Variants in UBQLN4 observed in about 807,000 individuals in gnomAD.
UBQLN4 encodes ubiquilin-4.
UBQLN4 carries 11 observed loss-of-function variants against 60.4 expected under a neutral mutation model. The observed-to-expected ratio is 0.18, with a 90% CI of 0.11 to 0.30. The LOEUF is 0.30. Among genes scored for constraint, UBQLN4 ranks in the 10% least tolerant of loss-of-function variants. The probability of loss-of-function intolerance (pLI) is 1.00; values close to 1 mark genes in which losing one functional copy is unlikely to be tolerated. For missense variants in UBQLN4, 417 were observed against 795.5 expected, an observed-to-expected ratio of 0.52 and a Z score of 5.72; for synonymous variants, 258 against 313.1, an observed-to-expected ratio of 0.82 and a Z score of 1.86.
chr1:156,047,922 GA>G (rs1683760032), intron 5 of UBQLN4, among the ~76,000 whole-genome samples: 1 of 147,016 alleles, frequency 6.8e-6, no homozygotes, highest in Non-Finnish European at 1.5e-5. Context: ...AAGAAAGAAA[GA>G]ACCAAAAGGG....
Position 156,051,824 on chromosome 1 carries a change from G to A in UBQLN4, c.142C>T (p.Gln48Ter). The A allele has an allele frequency of 6.2e-7, 1 of 1,614,164 alleles. No homozygotes were observed. The highest frequency in any genetic ancestry group is 8.5e-7 in the Non-Finnish European group (1 of 1,180,014). The change falls in exon 2 of 11, where the codon CAG becomes TAG. Residue 48 changes from glutamine (Q) to a stop codon, truncating the protein, a stop_gained. Transcript: ENST00000368309. LOFTEE classifies it high-confidence loss of function. ...AAGATCAGGACCAGCTGATCCTGCT[G>A]AGCCTTAAACCTCCGGGAGATTTCC... ...KEEISRRFKA[Q>*]QDQLVLIFAG...
Position 156,042,210 on chromosome 1 carries a change from C to T in UBQLN4, c.1293G>A (p.Ala431=). The change falls in exon 8 of 11, where the codon GCG becomes GCA. Residue 431 remains alanine (A), a synonymous_variant. Transcript: ENST00000368309. ...GCTGCTCCTGCAGTTGGGGGTTCCC[C>T]GCGAAGAGCGGCACATTCACCATCA... ...AQMMVNVPLF[A]GNPQLQEQLR... 1.9e-6 allele frequency: 3 copies of T among 1,604,380 alleles called. No homozygotes were observed. Among genetic ancestry groups the T allele is most frequent in the Non-Finnish European group, 1.7e-6 (2 of 1,176,236 alleles).
In UBQLN4 at chr1:156,048,257, T is replaced by G. The variant is rs1425580997; in HGVS notation, c.900+244A>C. Among the ~76,000 whole-genome samples the G allele has an allele frequency of 6.6e-6, 1 of 152,184 alleles. No homozygotes were observed. Among genetic ancestry groups the G allele is most frequent in the Non-Finnish European group, 1.5e-5 (1 of 68,032 alleles). On this transcript the variant is annotated intron_variant, in intron 5 of 10. Coordinates refer to ENST00000368309, the MANE Select transcript of UBQLN4 (RefSeq NM_020131.5). The surrounding 1 kb of genome is among the most constrained non-coding windows in gnomAD (Gnocchi z 4.9). ...CTTTGAGCCCCTGGTACAAGAAGTTTGTCAGGATGTCAAGTTCCTTGGATG... is the reference window on the plus strand; with the variant it reads ...CTTTGAGCCCCTGGTACAAGAAGTTGGTCAGGATGTCAAGTTCCTTGGATG...
At chr1:156,042,336 A>G (rs905706329) in intron 7 of UBQLN4, 100 bp from the exon 8 acceptor site, 37 of 1,458,776 alleles carry the variant, frequency 2.5e-5, no homozygotes, top group Non-Finnish European at 3.0e-5. Context: ...ACTGCAGGAA[A>G]TCTGGCCAGC....
intron 5 of UBQLN4, among the ~76,000 whole-genome samples, chr1:156,047,724 T>A (rs1683748411): frequency 6.6e-6 from 1 of 150,646 alleles, no homozygotes. Context: ...TGAAACCCCA[T>A]CTCTACTAAA....
chr1:156,053,538 C>A (rs1372123944), intron 1 of UBQLN4, 56 bp downstream of exon 1: 1 of 1,173,290 alleles, frequency 8.5e-7, no homozygotes, highest in South Asian at 3.8e-5. Flanking sequence ...AGAGGCCCCC[C>A]ATCTCTTCGC....
chr1:156,033,870 A>C (rs1043985872), downstream of UBQLN4, among the ~76,000 whole-genome samples: 16 of 151,566 alleles, frequency 1.1e-4, no homozygotes, highest in African/African-American at 3.9e-4. Context: ...AAAAAAAAAA[A>C]CAAAAACAAA....
chr1:156,041,896 G>T lies in UBQLN4; in HGVS notation c.1442C>A (p.Thr481Asn). ...QIQQGLQTLQ[T>N]EAPGLVPSLG... Reference sequence around the variant, plus strand: ...CCTGGGTACCAGCCCAGGGGCCTCGGTCTGCAAGGTCTGTAGTCCCTGCTG... The same window carrying T: ...CCTGGGTACCAGCCCAGGGGCCTCGTTCTGCAAGGTCTGTAGTCCCTGCTG... The change falls in exon 9 of 11, where the codon ACC becomes AAC. Residue 481 changes from threonine to asparagine, a missense_variant. Transcript: ENST00000368309. The T allele has an allele frequency of 6.2e-7, 1 of 1,613,632 alleles. No individual in the cohort carries two copies. Among genetic ancestry groups the T allele is most frequent in the Non-Finnish European group, 8.5e-7 (1 of 1,179,886 alleles).
In UBQLN4 at chr1:156,037,053, G is replaced by A. The variant is rs370113139; in HGVS notation, c.1731C>T (p.Asn577=). ...CTCCTGTGGCAATCAGGGCCTGCAG[G>A]TTAGCCTCACGATTGATGAAGCCCA... ...NSMGFINREA[N]LQALIATGGD... is the part of the protein sequence containing the mutation. The change falls in exon 11 of 11, where the codon AAC becomes AAT. Residue 577 remains asparagine, a synonymous_variant. Coordinates refer to ENST00000368309, the MANE Select transcript of UBQLN4 (RefSeq NM_020131.5). The A allele has an allele frequency of 5.0e-6, 8 of 1,614,102 alleles. No homozygotes were observed. The highest frequency in any genetic ancestry group is 1.3e-5 in the African/African-American group (1 of 74,932).
In UBQLN4 at chr1:156,048,677, A is replaced by G; in HGVS notation, c.742-18T>C. On this transcript the variant is annotated intron_variant, in intron 4 of 10. Transcript: ENST00000368309. This position sits in a 1 kb window ranked among gnomAD's most constrained non-coding sequence, Gnocchi z 4.9. ...TCCATTGTCTGATCAAGGGAGAGAG[A>G]CAAAATGGGCCCCGGAACCAGGGGA... The G allele has an allele frequency of 1.2e-6, 2 of 1,606,014 alleles. No individual in the cohort carries two copies. Among genetic ancestry groups the G allele is most frequent in the Middle Eastern group, 1.7e-4 (1 of 6,030 alleles).
intron 1 of UBQLN4, among the ~76,000 whole-genome samples, chr1:156,053,196 A>T (rs1231828803): frequency 6.6e-6 from 1 of 152,074 alleles, no homozygotes; most frequent in Non-Finnish European, 1.5e-5. Context: ...CTCAGAGAAC[A>T]CTGGGCGTTC....
intron 1 of UBQLN4, among the ~76,000 whole-genome samples, 164 bp from the exon 2 acceptor site, chr1:156,052,021 CCTTT>C (rs1427586819): frequency 6.6e-6 from 1 of 152,184 alleles, no homozygotes; most frequent in African/African-American, 2.4e-5. Context: ...ATAAGCATCT[CCTTT>C]CTTAACAAAG....
At position 156,051,293 on chromosome 1, in the gene UBQLN4, G is replaced by A; in HGVS notation, c.295C>T (p.Pro99Ser). The change falls in exon 3 of 11, where the codon CCC (proline) becomes TCC (serine). Residue 99 changes from proline (P) to serine (S), a missense_variant. By Grantham distance (74) the Pro-to-Ser change is moderately conservative. Coordinates refer to ENST00000368309, the MANE Select transcript of UBQLN4 (RefSeq NM_020131.5). Reference sequence around the variant, plus strand: ...GCTGAGGCAGGGTCAGGTGTGGAGGGGGAAGAAGCAGTGGCAGCAGCTGGA... The same window carrying A: ...GCTGAGGCAGGGTCAGGTGTGGAGGAGGAAGAAGCAGTGGCAGCAGCTGGA... ...QDPAAATASS[P>S]STPDPASAPS... is the part of the protein sequence containing the mutation. 1.3e-6 allele frequency: 2 copies of A among 1,561,172 alleles called. No individual in the cohort carries two copies. Among genetic ancestry groups the A allele is most frequent in the Non-Finnish European group, 1.7e-6 (2 of 1,151,620 alleles).
At chr1:156,038,837 G>A (rs1470849688) in intron 10 of UBQLN4, among the ~76,000 whole-genome samples, 5 of 134,188 alleles carry the variant, frequency 3.7e-5, no homozygotes, top group Non-Finnish European at 6.2e-5. Context: ...TTGAGACGGA[G>A]TCTCGCTCTG....
chr1:156,042,234 C>T lies in UBQLN4; in HGVS notation c.1269G>A (p.Met423Ile). 1 of 1,596,184 alleles carries T rather than the reference C, an allele frequency of 6.3e-7. No individual in the cohort carries two copies. ...LAQNPDFAAQ[M>I]MVNVPLFAGN... ...CCGCGAAGAGCGGCACATTCACCAT[C>T]ATCTGCCAGGGTGAAGGTAGCAGGG... Residue 423 changes from methionine to isoleucine, a missense_variant and splice_region_variant, in exon 8 of 11, where the codon ATG becomes ATA. Met to Ile is a conservative substitution (Grantham distance 10). Coordinates refer to ENST00000368309, the MANE Select transcript of UBQLN4 (RefSeq NM_020131.5).
chr1:156,037,496 T>C (rs1445214181), intron 10 of UBQLN4, among the ~76,000 whole-genome samples: 12 of 152,056 alleles, frequency 7.9e-5, no homozygotes, highest in Admixed American at 7.9e-4. Flanking sequence ...CTCAGGAGGC[T>C]GAGGCAGGAG....
At chr1:156,049,853 C>G (rs986149744) in intron 4 of UBQLN4, among the ~76,000 whole-genome samples, 1 of 152,248 alleles carries the variant, frequency 6.6e-6, no homozygotes, top group Non-Finnish European at 1.5e-5. Context: ...CCTGCCCAGC[C>G]ACAGTGCTCC....
intron 6 of UBQLN4, 22 bp downstream of exon 6, chr1:156,043,976 C>A: frequency 6.2e-7 from 1 of 1,612,532 alleles, no homozygotes; most frequent in South Asian, 1.1e-5. Flanking sequence ...CCCCACTAAG[C>A]TCCTTCCATC....
chr1:156,041,978 G>T lies in UBQLN4; in HGVS notation c.1360C>A (p.Pro454Thr). The stretch of plus-strand genomic sequence containing the variant: ...TTGGTAAGGATGGAGAGTGACTCTG[G>T]GTTCTGCATCTGGTGGGAAATAAGC... ...LPVFLQQMQN[P>T]ESLSILTNPR... Residue 454 changes from proline to threonine, a missense_variant, in exon 9 of 11, where the codon CCA becomes ACA. By Grantham distance (38) the Pro-to-Thr change is conservative. Coordinates refer to ENST00000368309, the MANE Select transcript of UBQLN4 (RefSeq NM_020131.5). The T allele has an allele frequency of 5.6e-6, 9 of 1,614,116 alleles. No individual in the cohort carries two copies. The highest frequency in any genetic ancestry group is 7.6e-6 in the Non-Finnish European group (9 of 1,180,010).
Sources: gnomAD v4.1 joint callset for allele counts (sites outside exome capture counted in the v4.1 genomes callset) on GRCh38, gnomAD v4.1.1 for gene constraint, Gnocchi (gnomAD v3.1) non-coding constraint, MANE v1.5 for transcripts, NCBI Gene and HGNC (gene_info 2026-07-23, HGNC 2026-07-21) for gene names.